The following CEP104 variants were observed in gnomAD, a reference collection of about 807,000 sequenced individuals.
The protein encoded by CEP104 is centrosomal protein 104.
Under a neutral mutation model 113.3 loss-of-function variants are expected in CEP104, and 84 were observed. That is an observed-to-expected ratio of 0.74 (90% CI 0.62 to 0.89). The LOEUF (loss-of-function observed/expected upper bound fraction) is 0.89. Among genes scored for constraint, CEP104 ranks in the 40% least tolerant of loss-of-function variants. The pLI, the probability that CEP104 is intolerant of heterozygous loss-of-function variation, is 0.00. For synonymous variants in CEP104, 378 were observed against 421.7 expected (o/e 0.90, Z 1.27); for missense variants, 1,053 against 1,156.6 (o/e 0.91, Z 1.30).
chr1:3,847,759 G>T, intron 3 of CEP104, 146 bp from the exon 4 acceptor site: 1 of 744,724 alleles, frequency 1.3e-6, no homozygotes, highest in Non-Finnish European at 2.1e-6. Context: ...CAACAGGTTT[G>T]AATAAAAGCT....
In CEP104 at chr1:3,815,445, C is replaced by T. The variant is rs770798606; in HGVS notation, c.2735G>A (p.Gly912Asp). 15 of 1,613,356 alleles carry T rather than the reference C, an allele frequency of 9.3e-6. No individual in the cohort carries two copies. Among genetic ancestry groups the T allele is most frequent in the Middle Eastern group, 1.7e-4 (1 of 6,056 alleles). Residue 912 changes from glycine to aspartate, a missense_variant, in exon 22 of 22, where the codon GGC becomes GAC. Transcript: ENST00000378230. ...CCTGCTGGAGCTCTTGCTCAGTCCG[C>T]CCTTCGGGGTGGGGATCTTGCTTCC... is the stretch of plus-strand genomic sequence containing the variant. The part of the protein sequence containing the change: ...KAGSKIPTPK[G>D]GLSKSSSRTY...
chr1:3,839,199 G>A (rs558927892), intron 7 of CEP104, 80 bp from the exon 8 acceptor site: 26 of 1,267,136 alleles, frequency 2.1e-5, no homozygotes, highest in East Asian at 1.6e-4. Context: ...TAAGAATCAC[G>A]CGTGAACCGT....
chr1:3,822,201 G>A (rs914654760), intron 20 of CEP104, among the ~76,000 whole-genome samples: 1 of 132,500 alleles, frequency 7.5e-6, no homozygotes, highest in Non-Finnish European at 1.6e-5. Context: ...ACTCTGTGAT[G>A]CATTTCAAAC....
Position 3,819,975 on chromosome 1 carries a change from T to C in CEP104, c.2571+3199A>G, listed in dbSNP as rs1643939816. Among the ~76,000 whole-genome samples the C allele has an allele frequency of 6.6e-6, 1 of 151,908 alleles. No individual in the cohort carries two copies. ...CCAGCTGCTGGGATGAGCCTGGAAG[T>C]GAGTCCTTCCCTAGCAGGGCTGACA... On this transcript the variant is annotated intron_variant, in intron 20 of 21. Transcript: ENST00000378230. The surrounding 1 kb of genome is among the most constrained non-coding windows in gnomAD (Gnocchi z 4.6).
At chr1:3,846,086 CAAAAAAAAAA>C (rs5772127) in intron 4 of CEP104, among the ~76,000 whole-genome samples, 32,661 of 95,542 alleles carry the variant, frequency 0.34, 4,104 homozygotes, top group Middle Eastern at 0.41. Context: ...AACTCCGTCT[CAAAAAAAAAA>C]AAAAAAAAAA....
chr1:3,845,218 G>A, intron 5 of CEP104, 71 bp downstream of exon 5: 2 of 1,098,742 alleles, frequency 1.8e-6, no homozygotes, highest in South Asian at 2.8e-5. Context: ...CATTTTTTGG[G>A]TGAAAATAAA....
chr1:3,848,057 A>G (rs562211645), intron 3 of CEP104, among the ~76,000 whole-genome samples: 1 of 152,240 alleles, frequency 6.6e-6, no homozygotes, highest in East Asian at 1.9e-4. Context: ...TTGGTCATCT[A>G]ATTAGCATTC....
Position 3,815,407 on chromosome 1 carries a change from G to A in CEP104, c.2773C>T (p.Arg925Cys), listed in dbSNP as rs377336810. The change falls in exon 22 of 22, where the codon CGC (arginine) becomes TGC (cysteine). Residue 925 changes from arginine (R) to cysteine (C), a missense_variant. Physicochemically the swap from Arg to Cys is radical, Grantham distance 180 (BLOSUM62 -3). Transcript: ENST00000378230. ...SKSSSRTYAK[R>C] ...CAAGGAGCCCGAGCGCCGCGTCAGC[G>A]CTTGGCGTACGTCCTGCTGGAGCTC... The A allele has an allele frequency of 1.1e-5, 18 of 1,609,562 alleles. No homozygotes were observed. The highest frequency in any genetic ancestry group is 4.5e-5 in the East Asian group (2 of 44,854).
chr1:3,852,498 T>C, intron 1 of CEP104, 77 bp from the exon 2 acceptor site: 1 of 1,346,846 alleles, frequency 7.4e-7, no homozygotes, highest in South Asian at 1.4e-5. Flanking sequence ...GGTTGGTTCA[T>C]GCCTTGCTAA....
intron 20 of CEP104, 130 bp from the exon 21 acceptor site, chr1:3,816,500 G>A (rs762331580): frequency 1.3e-4 from 82 of 655,674 alleles, no homozygotes; most frequent in African/African-American, 2.4e-4. Flanking sequence ...GCAGAAGAAC[G>A]GCTCCCTCAC....
intron 18 of CEP104, among the ~76,000 whole-genome samples, chr1:3,825,317 G>T (rs1337224802): frequency 6.6e-6 from 1 of 152,242 alleles, no homozygotes; most frequent in Non-Finnish European, 1.5e-5. Context: ...GAAGACACCA[G>T]AACGCTGTGG....
Position 3,852,466 on chromosome 1 carries a change from A to G in CEP104, c.-14-45T>C. ...AAACTTCTTTAAAACAAAGGAATTCACTAACACATGGACATTTAAAGGGTT... is the reference window on the plus strand; with the variant it reads ...AAACTTCTTTAAAACAAAGGAATTCGCTAACACATGGACATTTAAAGGGTT... On this transcript the variant is annotated intron_variant, in intron 1 of 21. Coordinates refer to ENST00000378230, the MANE Select transcript of CEP104 (RefSeq NM_014704.4). The G allele has an allele frequency of 1.9e-6, 3 of 1,563,878 alleles. No homozygotes were observed. The South Asian group carries it at 3.5e-5, about 18-fold the overall frequency.
At chr1:3,820,047 T>G (rs2124636511) in intron 20 of CEP104, among the ~76,000 whole-genome samples, 1 of 152,126 alleles carries the variant, frequency 6.6e-6, no homozygotes, top group East Asian at 1.9e-4. Flanking sequence ...CGTGAGGTAA[T>G]GAGTGAGTGT....
intron 12 of CEP104, among the ~76,000 whole-genome samples, chr1:3,832,047 T>C (rs1644217873): frequency 6.6e-6 from 1 of 152,226 alleles, no homozygotes; most frequent in African/African-American, 2.4e-5. Flanking sequence ...CCTCGATAGA[T>C]TGCCTTAAGG....
intron 7 of CEP104, 73 bp downstream of exon 7, chr1:3,839,535 A>T: frequency 7.4e-7 from 1 of 1,346,332 alleles, no homozygotes; most frequent in Non-Finnish European, 1.0e-6. Context: ...TTCTTTTACC[A>T]TGTAGTTATT....
rs190035427 is a variant in CEP104, at chr1:3,839,583, G to A, written c.735+25C>T. On this transcript the variant is annotated intron_variant, in intron 7 of 21. Transcript: ENST00000378230. ...AAAACCTATTACAGGCATAAATTAG[G>A]AACTGTTTTCTCCAAAGGCAATACC... The A allele has an allele frequency of 3.1e-6, 5 of 1,595,738 alleles. No homozygotes were observed. The East Asian group carries it at 8.9e-5, about 29-fold the overall frequency.
chr1:3,820,587 C>T (rs183278926), intron 20 of CEP104, among the ~76,000 whole-genome samples: 4 of 78,770 alleles, frequency 5.1e-5, no homozygotes, highest in East Asian at 6.3e-4. Flanking sequence ...TCTATCGACC[C>T]GGAAACATGT....
At chr1:3,829,607 C>A in intron 14 of CEP104, 184 bp downstream of exon 14, 1 of 702,190 alleles carries the variant, frequency 1.4e-6, no homozygotes, top group Admixed American at 2.7e-5. Context: ...CTAAGGGTCT[C>A]ACTGGCAGAA....
intron 5 of CEP104, 72 bp downstream of exon 5, chr1:3,845,217 G>T: frequency 9.3e-7 from 1 of 1,077,592 alleles, no homozygotes. Context: ...ACATTTTTTG[G>T]GTGAAAATAA....
Sources: allele counts gnomAD v4.1 joint callset (sites outside exome capture counted in the v4.1 genomes callset), GRCh38; gene constraint gnomAD v4.1.1; non-coding constraint Gnocchi (gnomAD v3.1); transcripts MANE v1.5; gene names NCBI Gene and HGNC (gene_info 2026-07-23, HGNC 2026-07-21).